The following SYNE2 variants were observed in gnomAD, a reference collection of about 807,000 sequenced individuals.
SYNE2 encodes spectrin repeat containing nuclear envelope protein 2, also known as nesprin-2.
In SYNE2, 431 loss-of-function variants were observed where a neutral mutation model predicts 856.3. The ratio of observed to expected loss-of-function variants is 0.50; its 90% CI spans 0.47 to 0.55. The LOEUF (loss-of-function observed/expected upper bound fraction) is 0.55, where lower values mean the gene tolerates loss of function less well. Among genes scored for constraint, SYNE2 ranks in the 20% least tolerant of loss-of-function variants. SYNE2 has a pLI of 0.00. For missense variants in SYNE2, 8,129 were observed against 8,023.2 expected (o/e 1.01, Z -0.50); for synonymous variants, 2,923 against 2,872.3 (o/e 1.02, Z -0.56).
intron 23 of SYNE2, among the ~76,000 whole-genome samples, chr14:63,995,722 TATCTATCC>T (rs1487861147): frequency 1.1e-3 from 45 of 42,002 alleles, no homozygotes; most frequent in African/African-American, 5.3e-3. Flanking sequence ...TATAATTCTA[TATCTATCC>T]ATCTATCTAT....
At chr14:64,102,915 G>A (rs2097744705) in intron 64 of SYNE2, among the ~76,000 whole-genome samples, 1 of 151,908 alleles carries the variant, frequency 6.6e-6, no homozygotes, top group African/African-American at 2.4e-5. Context: ...TTATCATTCT[G>A]TGCCTGGCTT....
rs370711002 is a variant in SYNE2 at position 63,902,267 on chromosome 14, C to T, written c.-51-6831C>T. On this transcript the variant is annotated intron_variant, in intron 1 of 115. Coordinates refer to ENST00000555002, the MANE Select transcript of SYNE2 (RefSeq NM_182914.3). ...CTCTACTAAAAGTACAAAAATTAGC[C>T]GTGTGTGGTGGTACGTGCCTGTAAT... is the stretch of plus-strand genomic sequence containing the variant. Among the ~76,000 whole-genome samples the T allele has an allele frequency of 6.0e-4, 91 of 151,790 alleles. 1 individual carries two copies. Among genetic ancestry groups the T allele is most frequent in the African/African-American group, 1.9e-3 (79 of 41,398 alleles).
chr14:63,905,816 G>A (rs77950180), intron 1 of SYNE2, among the ~76,000 whole-genome samples: 6 of 152,098 alleles, frequency 3.9e-5, no homozygotes, highest in Admixed American at 6.5e-5. Flanking sequence ...TTGCTCTGGC[G>A]GGGGCTTCCA....
chr14:64,084,967 A>G (rs1051307841), intron 57 of SYNE2: 1 of 702,336 alleles, frequency 1.4e-6, no homozygotes, highest in Non-Finnish European at 2.6e-6. Context: ...CTACTTACAG[A>G]CACGTGGGCT....
In SYNE2 at chr14:63,774,251, C is replaced by T. The variant is rs373959962; in HGVS notation, c.-305+12265C>T. ...TGGGAGGCTGAGGCGGGCAGATCAC[C>T]TGAGCTCAGGAGTTTGAGAGCAGCC... On this transcript the variant is annotated intron_variant, in intron 1 of 23. Transcript: ENST00000674003. Among the ~76,000 whole-genome samples, 102 of 151,796 alleles carry T rather than the reference C, an allele frequency of 6.7e-4. 1 individual carries two copies. The South Asian group carries it at 0.016, about 24-fold the overall frequency.
At chr14:63,852,212 T>G (rs992604781), upstream of SYNE2, among the ~76,000 whole-genome samples, 1 of 152,110 alleles carries the variant, frequency 6.6e-6, no homozygotes, top group African/African-American at 2.4e-5. Flanking sequence ...AATAGTGAGG[T>G]GCGCCTTTTA....
At chr14:64,106,663 A>G (rs764840866) in intron 64 of SYNE2, among the ~76,000 whole-genome samples, 3 of 152,194 alleles carry the variant, frequency 2.0e-5, no homozygotes, top group Admixed American at 6.5e-5. Context: ...AAAAATATTA[A>G]CACTATGTGT....
chr14:63,819,688 C>T (rs1489592599), intron 1 of SYNE2, among the ~76,000 whole-genome samples: 1 of 152,060 alleles, frequency 6.6e-6, no homozygotes, highest in Admixed American at 6.6e-5. Flanking sequence ...AGGCGCCCGC[C>T]ACCATGCCTG....
chr14:63,923,313 TC>T (rs1394758628), intron 2 of SYNE2, among the ~76,000 whole-genome samples: 1 of 152,192 alleles, frequency 6.6e-6, no homozygotes, highest in Non-Finnish European at 1.5e-5. Flanking sequence ...TATAAGACTG[TC>T]AGGTGTTTAC....
intron 48 of SYNE2, among the ~76,000 whole-genome samples, chr14:64,055,739 G>A (rs1370534901): frequency 1.3e-5 from 2 of 151,950 alleles, no homozygotes. Flanking sequence ...TGTAAAATGA[G>A]AATGCTAACT....
At chr14:63,822,874 C>T (rs1010301534) in intron 1 of SYNE2, among the ~76,000 whole-genome samples, 1 of 152,138 alleles carries the variant, frequency 6.6e-6, no homozygotes, top group Non-Finnish European at 1.5e-5. Flanking sequence ...GAGGCTGAGG[C>T]AGAAGGATCA....
chr14:63,809,792 C>T (rs562301159), intron 1 of SYNE2, among the ~76,000 whole-genome samples: 17 of 152,226 alleles, frequency 1.1e-4, no homozygotes, highest in East Asian at 5.8e-4. Flanking sequence ...TGAGCCACCG[C>T]GCCTGGCTAA....
At chr14:63,954,009 T>C (rs559422763) in intron 7 of SYNE2, among the ~76,000 whole-genome samples, 5 of 152,258 alleles carry the variant, frequency 3.3e-5, no homozygotes, top group African/African-American at 1.2e-4. Context: ...AATCTCCCAT[T>C]GTCAAGTGAT....
In SYNE2 at chr14:64,119,816, T is replaced by G. The variant is rs1053197858; in HGVS notation, c.13023+207T>G. Among the ~76,000 whole-genome samples the G allele has an allele frequency of 6.6e-5, 10 of 152,208 alleles. No homozygotes were observed. In the South Asian group the frequency reaches 1.7e-3, roughly 25 times the overall value. ...TGCAGTTTTCCTGTCTAGGTTGTTG[T>G]TGGTGATGGCGGTGGTTTGGTTTGT... On this transcript the variant is annotated intron_variant, in intron 67 of 115. Transcript: ENST00000555002.
At chr14:63,909,985 A>G (rs2095453739) in intron 2 of SYNE2, among the ~76,000 whole-genome samples, 1 of 152,122 alleles carries the variant, frequency 6.6e-6, no homozygotes, top group Admixed American at 6.5e-5. Flanking sequence ...CTTCTTGTGG[A>G]GTTTGGCAAT....
Position 64,162,138 on chromosome 14 carries a change from G to T in SYNE2, c.16161G>T (p.Trp5387Cys), listed in dbSNP as rs746576023. 5 of 1,614,082 alleles carry T rather than the reference G, an allele frequency of 3.1e-6. No individual in the cohort carries two copies. In the African/African-American group the frequency reaches 4.0e-5, roughly 13 times the overall value. The change falls in exon 88 of 116, where the codon TGG becomes TGT. Residue 5387 changes from tryptophan to cysteine, a missense_variant. Around this residue, in one of 3 missense-constraint regions of SYNE2, gnomAD observed 5,410 missense variants for 5,284.8 expected, o/e 1.02. Transcript: ENST00000555002. Reference protein sequence around the residue: ...LQKAQSLLQLWKAYSNAHGEA... With the variant: ...LQKAQSLLQLCKAYSNAHGEA... ...AGGCCCAGAGTCTGCTCCAGCTCTGGAAGGCCTATAGCAATGCTCATGGTG... is the reference window on the plus strand; with the variant it reads ...AGGCCCAGAGTCTGCTCCAGCTCTGTAAGGCCTATAGCAATGCTCATGGTG...
chr14:64,056,365 T>A, intron 49 of SYNE2, 99 bp downstream of exon 49: 1 of 1,175,276 alleles, frequency 8.5e-7, no homozygotes, highest in Non-Finnish European at 1.2e-6. Flanking sequence ...AAAATATAGG[T>A]TTTTTTCTCT....
At chr14:63,961,776 A>G in intron 9 of SYNE2, 151 bp downstream of exon 9, 3 of 689,122 alleles carry the variant, frequency 4.4e-6, no homozygotes, top group Middle Eastern at 3.4e-4. Flanking sequence ...TCATGATGTA[A>G]AACATTTCTA....
intron 81 of SYNE2, 105 bp downstream of exon 81, chr14:64,141,628 T>G (rs984851781): frequency 8.0e-7 from 1 of 1,256,158 alleles, no homozygotes; most frequent in Non-Finnish European, 1.1e-6. Context: ...CACTACCTAT[T>G]TTTCTCTGGC....
Sources: gnomAD v4.1 joint callset for allele counts (sites outside exome capture counted in the v4.1 genomes callset) on GRCh38, gnomAD v4.1.1 for gene constraint, gnomAD v4.1.1 regional missense constraint, MANE v1.5 for transcripts, NCBI Gene and HGNC (gene_info 2026-07-23, HGNC 2026-07-21) for gene names.